Variants in SLCO4C1 observed in about 807,000 individuals in gnomAD.
The protein encoded by SLCO4C1 is solute carrier organic anion transporter family member 4C1.
A neutral mutation model predicts 72.1 loss-of-function variants in SLCO4C1; 58 were observed. The ratio of observed to expected loss-of-function variants is 0.80; its 90% CI spans 0.65 to 1.00. The LOEUF (loss-of-function observed/expected upper bound fraction) is 1.00, where lower values mean the gene tolerates loss of function less well. SLCO4C1 is among the 50% of genes least tolerant of loss of function. The pLI is 0.00. For synonymous variants in SLCO4C1, 297 were observed against 312.5 expected, an observed-to-expected ratio of 0.95 and a Z score of 0.52; for missense variants, 898 against 857.9, an observed-to-expected ratio of 1.05 and a Z score of -0.58.
Position 102,292,179 on chromosome 5 carries a change from ATGCT to A in SLCO4C1, c.356-577_356-574del, listed in dbSNP as rs1749570003. Among the ~76,000 whole-genome samples the A allele has an allele frequency of 3.9e-5, 6 of 152,184 alleles. No individual in the cohort carries two copies. The South Asian group carries it at 1.2e-3, about 31-fold the overall frequency. On this transcript the variant is annotated intron_variant, in intron 1 of 12. Transcript: ENST00000310954. ...AATTTTCAGGTGTCCAACAAGACTG[ATGCT>A]TGCTACGTACTAAATTATAGTTAAC... is the stretch of plus-strand genomic sequence containing the variant.
intron 9 of SLCO4C1, among the ~76,000 whole-genome samples, chr5:102,248,559 T>C (rs1748678280): frequency 6.6e-6 from 1 of 152,132 alleles, no homozygotes; most frequent in African/African-American, 2.4e-5. Flanking sequence ...TTTGTGTCTA[T>C]ATATATTTAG....
In SLCO4C1 at chr5:102,260,409, C is replaced by T. The variant is rs1026310661; in HGVS notation, c.1022-90G>A. The T allele has an allele frequency of 9.4e-5, 24 of 254,038 alleles. No homozygotes were observed. In the South Asian group the frequency reaches 1.1e-3, roughly 12 times the overall value. The allele number at this position is 254,038 out of a possible 1,614,324, so 15.7% of individuals were successfully genotyped here. A position where few individuals can be genotyped will look rare whatever the true frequency, so the allele number is the denominator to read the frequency against. On this transcript the variant is annotated intron_variant, in intron 5 of 12. Coordinates refer to ENST00000310954, the MANE Select transcript of SLCO4C1 (RefSeq NM_180991.5). ...ATATATATAATATATAATAAGTAAACGTGCTCTATCATTTTATTCTTCATG... is the reference window on the plus strand; with the variant it reads ...ATATATATAATATATAATAAGTAAATGTGCTCTATCATTTTATTCTTCATG...
Position 102,240,699 on chromosome 5 carries a change from A to T in SLCO4C1, c.1876+19T>A. ...CAAAATAGCCAACAGTTAGCAATGA[A>T]TAAAGAAAAATGGCATACCTAATAA... On this transcript the variant is annotated intron_variant, in intron 11 of 12. Coordinates refer to ENST00000310954, the MANE Select transcript of SLCO4C1 (RefSeq NM_180991.5). The T allele has an allele frequency of 6.2e-7, 1 of 1,602,496 alleles. No homozygotes were observed. The highest frequency in any genetic ancestry group is 8.5e-7 in the Non-Finnish European group (1 of 1,172,248).
In SLCO4C1 at chr5:102,249,746, AT is replaced by A. The variant is rs1294448365; in HGVS notation, c.1511del (p.Asn504IlefsTer51). 3 of 1,613,856 alleles carry A rather than the reference AT, an allele frequency of 1.9e-6. No homozygotes were observed. In the East Asian group the frequency reaches 6.7e-5, roughly 36 times the overall value. ...LGNLIAPCNANCNCSRSYYYP... is the reference protein window; with the variant it reads ...LGNLIAPCNAXCNCSRSYYYP... ...AATAATATGATCGCGAACAGTTACA[AT>A]TGGCATTACAAGGGGCTATCAAGTT... On this transcript the variant is annotated frameshift_variant, in exon 9 of 13. Coordinates refer to ENST00000310954, the MANE Select transcript of SLCO4C1 (RefSeq NM_180991.5). LOFTEE classifies it high-confidence loss of function.
At chr5:102,258,495 G>C (rs261099) in intron 6 of SLCO4C1, among the ~76,000 whole-genome samples, 145,800 of 152,272 alleles carry the variant, frequency 0.96, 69,828 homozygotes, top group East Asian at 1. Context: ...ACTATGAGCA[G>C]AGATGAGAAT....
At position 102,258,051 on chromosome 5, in the gene SLCO4C1, G is replaced by T; in HGVS notation, c.1165C>A (p.Leu389Ile). ...MKNAVFMCLV[L>I]STSSEALITT... ...ATTAAGGCTTCTGAAGAAGTTGATA[G>T]AACTAAACACATAAAGACAGCATTC... Residue 389 changes from leucine to isoleucine, a missense_variant, in exon 7 of 13, where the codon CTA (leucine) becomes ATA (isoleucine). Transcript: ENST00000310954. 9 of 1,592,418 alleles carry T rather than the reference G, an allele frequency of 5.7e-6. No homozygotes were observed. Among genetic ancestry groups the T allele is most frequent in the Non-Finnish European group, 7.7e-6 (9 of 1,173,222 alleles).
intron 12 of SLCO4C1, among the ~76,000 whole-genome samples, chr5:102,237,782 G>C (rs1021662059): frequency 1.3e-5 from 2 of 152,142 alleles, no homozygotes; most frequent in African/African-American, 4.8e-5. Flanking sequence ...AGGTTTTGGA[G>C]TTCTTAAAGC....
chr5:102,252,391 C>T (rs572705448), intron 8 of SLCO4C1, among the ~76,000 whole-genome samples: 4 of 152,046 alleles, frequency 2.6e-5, no homozygotes, highest in African/African-American at 9.6e-5. Flanking sequence ...AGTAATCTGC[C>T]ACTCTGCCTG....
intron 3 of SLCO4C1, among the ~76,000 whole-genome samples, chr5:102,268,959 C>T (rs1473109777): frequency 6.6e-6 from 1 of 152,074 alleles, no homozygotes; most frequent in East Asian, 1.9e-4. Context: ...TCCCTCCCAC[C>T]CCCAGACCCC....
At chr5:102,275,883 T>G (rs1389730928) in intron 2 of SLCO4C1, among the ~76,000 whole-genome samples, 1 of 152,192 alleles carries the variant, frequency 6.6e-6, no homozygotes, top group Admixed American at 6.6e-5. Context: ...TGAAAAAGAC[T>G]GGTTAGAATC....
In SLCO4C1 at chr5:102,274,164, C is replaced by T. The variant is rs548947809; in HGVS notation, c.620-3358G>A. Reference sequence around the variant, plus strand: ...ATTTTATAGAAGGGACTTGAGCATGCAGATTTTGTTATCCATGGGGGTCCT... The same window carrying T: ...ATTTTATAGAAGGGACTTGAGCATGTAGATTTTGTTATCCATGGGGGTCCT... On this transcript the variant is annotated intron_variant, in intron 2 of 12. Transcript: ENST00000310954. Among the ~76,000 whole-genome samples the T allele has an allele frequency of 7.9e-5, 12 of 152,126 alleles. No individual in the cohort carries two copies. The East Asian group carries it at 2.3e-3, about 29-fold the overall frequency.
At chr5:102,254,268 T>C (rs935883272) in intron 8 of SLCO4C1, among the ~76,000 whole-genome samples, 3 of 152,202 alleles carry the variant, frequency 2.0e-5, no homozygotes, top group Non-Finnish European at 4.4e-5. Context: ...AAATCTTGTG[T>C]TTTTTACAAA....
chr5:102,268,175 G>A (rs2112371846), intron 3 of SLCO4C1, among the ~76,000 whole-genome samples: 1 of 152,180 alleles, frequency 6.6e-6, no homozygotes, highest in South Asian at 2.1e-4. Context: ...TCCCAGTGCT[G>A]GAAGTGGGGC....
At position 102,260,196 on chromosome 5, in the gene SLCO4C1, G is replaced by A. The variant is rs773425917; in HGVS notation, c.1128+17C>T. 2 of 1,056,466 alleles carry A rather than the reference G, an allele frequency of 1.9e-6. No individual in the cohort carries two copies. Among genetic ancestry groups the A allele is most frequent in the South Asian group, 2.8e-5 (1 of 36,202 alleles). The allele number at this position is 1,056,466 out of a possible 1,614,324, so 65.4% of individuals were successfully genotyped here. A position where few individuals can be genotyped will look rare whatever the true frequency, so the allele number is the denominator to read the frequency against. The stretch of plus-strand genomic sequence containing the variant: ...TGTATGAGACTGAGAGAGAGACAGA[G>A]AAGAATTTTATTTTACCTTTAGAGC... On this transcript the variant is annotated intron_variant, in intron 6 of 12. Transcript: ENST00000310954.
At chr5:102,272,346 C>T (rs1431179991) in intron 2 of SLCO4C1, among the ~76,000 whole-genome samples, 1 of 152,108 alleles carries the variant, frequency 6.6e-6, no homozygotes, top group African/African-American at 2.4e-5. Flanking sequence ...AATATGTCAA[C>T]CCAGCTATAA....
intron 1 of SLCO4C1, among the ~76,000 whole-genome samples, chr5:102,291,897 C>A (rs1749560557): frequency 6.6e-6 from 1 of 152,072 alleles, no homozygotes; most frequent in South Asian, 2.1e-4. Flanking sequence ...TCTCGGCTCA[C>A]CGCCACCTCC....
At chr5:102,284,391 T>C (rs376669359) in intron 2 of SLCO4C1, among the ~76,000 whole-genome samples, 2 of 152,134 alleles carry the variant, frequency 1.3e-5, no homozygotes, top group African/African-American at 2.4e-5. Context: ...GTTTCTAAAC[T>C]CAACAAGGGC....
At position 102,247,221 on chromosome 5, in the gene SLCO4C1, G is replaced by A. The variant is rs780980190; in HGVS notation, c.1811+31C>T. ...TGTTTTCCATCAACATGTTGCCTTA[G>A]GGAATGAAAATTTCTCAACGTGCTA... On this transcript the variant is annotated intron_variant, in intron 10 of 12. Coordinates refer to ENST00000310954, the MANE Select transcript of SLCO4C1 (RefSeq NM_180991.5). The A allele has an allele frequency of 5.5e-6, 8 of 1,443,478 alleles. No individual in the cohort carries two copies. The South Asian group carries it at 1.3e-4, about 23-fold the overall frequency. The allele number at this position is 1,443,478 out of a possible 1,614,324, so 89.4% of individuals were successfully genotyped here.
At chr5:102,291,868 C>T (rs1404720124) in intron 1 of SLCO4C1, among the ~76,000 whole-genome samples, 1 of 151,970 alleles carries the variant, frequency 6.6e-6, no homozygotes. Context: ...ATTGCCCAGG[C>T]TGGACTGCAA....
Sources: allele counts gnomAD v4.1 joint callset (sites outside exome capture counted in the v4.1 genomes callset), GRCh38; gene constraint gnomAD v4.1.1; transcripts MANE v1.5; gene names NCBI Gene and HGNC (gene_info 2026-07-23, HGNC 2026-07-21).